Variants in EVX2 observed in about 807,000 individuals in gnomAD.
The protein encoded by EVX2 is even-skipped homeobox 2, also known as homeobox even-skipped homolog protein 2.
EVX2 carries 10 observed loss-of-function variants against 19.2 expected under a neutral mutation model. The ratio of observed to expected loss-of-function variants is 0.52; its 90% CI spans 0.32 to 0.89. The LOEUF (loss-of-function observed/expected upper bound fraction) is 0.89. Among genes scored for constraint, EVX2 ranks in the 40% least tolerant of loss-of-function variants. EVX2 has a pLI of 0.03. For missense variants in EVX2, 710 were observed against 694.9 expected, an observed-to-expected ratio of 1.02 and a Z score of -0.24; for synonymous variants, 354 against 328.4, an observed-to-expected ratio of 1.08 and a Z score of -0.84.
rs1482628631 is a variant in EVX2 at position 176,083,243 on chromosome 2, G to T, written c.427+107C>A. 1.7e-5 allele frequency: 20 copies of T among 1,176,814 alleles called. No homozygotes were observed. The highest frequency in any genetic ancestry group is 2.3e-5 in the Non-Finnish European group (19 of 841,600). The allele number at this position is 1,176,814 out of a possible 1,614,324, so 72.9% of individuals were successfully genotyped here. ...CGCCCGTGCTAGCTCGGTGTAGCTT[G>T]CCTGTGGAGGGTCTGAGAGGGGAAA... On this transcript the variant is annotated intron_variant, in intron 1 of 2. Coordinates refer to ENST00000308618, the MANE Select transcript of EVX2 (RefSeq NM_001080458.2). This position sits in a 1 kb window ranked among gnomAD's most constrained non-coding sequence, Gnocchi z 4.4.
In EVX2 at chr2:176,080,485, C is replaced by T; in HGVS notation, c.1053G>A (p.Ala351=). The T allele has an allele frequency of 7.5e-7, 1 of 1,336,184 alleles. No homozygotes were observed. Among genetic ancestry groups the T allele is most frequent in the Non-Finnish European group, 9.5e-7 (1 of 1,048,872 alleles). The allele number at this position is 1,336,184 out of a possible 1,614,324, so 82.8% of individuals were successfully genotyped here. Residue 351 remains alanine (A), a synonymous_variant, in exon 3 of 3, where the codon GCG becomes GCA. Coordinates refer to ENST00000308618, the MANE Select transcript of EVX2 (RefSeq NM_001080458.2). This position sits in a 1 kb window ranked among gnomAD's most constrained non-coding sequence, Gnocchi z 7.0. Reference sequence around the variant, plus strand: ...CGGCAGAGGCCGCGCTGTTGAGCCCCGCGGCGGCCGCGGGAGCCTGGTAGA... The same window carrying T: ...CGGCAGAGGCCGCGCTGTTGAGCCCTGCGGCGGCCGCGGGAGCCTGGTAGA... ...PGLYQAPAAA[A]GLNSAASAAA...
chr2:176,080,196 TCTCGGAACGCGGCGCCGCCGCG>T lies in EVX2; in HGVS notation c.1320_1341del (p.Ser440ArgfsTer17), dbSNP rs1164119888. Reference sequence around the variant, plus strand: ...GCGGCCGAGTAGGGCAGGAAGCCGCTCTCGGAACGCGGCGCCGCCGCGCTGCAGCCGAAGTCCGAGCCTCCCC... The same window carrying T: ...GCGGCCGAGTAGGGCAGGAAGCCGCTCTGCAGCCGAAGTCCGAGCCTCCCC... On this transcript the variant is annotated frameshift_variant, in exon 3 of 3. Coordinates refer to ENST00000308618, the MANE Select transcript of EVX2 (RefSeq NM_001080458.2). LOFTEE classifies it high-confidence loss of function. The surrounding 1 kb of genome is among the most constrained non-coding windows in gnomAD (Gnocchi z 7.0). The T allele has an allele frequency of 2.0e-6, 3 of 1,476,398 alleles. No homozygotes were observed. The highest frequency in any genetic ancestry group is 2.7e-6 in the Non-Finnish European group (3 of 1,113,926). 91.5% of individuals were successfully genotyped at this position (1,476,398 alleles called of 1,614,324 possible).
At position 176,082,144 on chromosome 2, in the gene EVX2, G is replaced by A; in HGVS notation, c.699+34C>T. On this transcript the variant is annotated intron_variant, in intron 2 of 2. Coordinates refer to ENST00000308618, the MANE Select transcript of EVX2 (RefSeq NM_001080458.2). This position sits in a 1 kb window ranked among gnomAD's most constrained non-coding sequence, Gnocchi z 5.2. The stretch of plus-strand genomic sequence containing the variant: ...AAACAATCAACCCAGATGCCCCCGG[G>A]GAGGCCAGAGCAGGCATGCACTGGA... The A allele has an allele frequency of 2.0e-6, 3 of 1,513,260 alleles. No individual in the cohort carries two copies. The highest frequency in any genetic ancestry group is 1.8e-6 in the Non-Finnish European group (2 of 1,132,356). The allele number at this position is 1,513,260 out of a possible 1,614,324, so 93.7% of individuals were successfully genotyped here. A position where few individuals can be genotyped will look rare whatever the true frequency, so the allele number is the denominator to read the frequency against.
chr2:176,080,651 G>A lies in EVX2; in HGVS notation c.887C>T (p.Ala296Val), dbSNP rs765774536. 1.9e-6 allele frequency: 3 copies of A among 1,569,134 alleles called. No homozygotes were observed. The highest frequency in any genetic ancestry group is 2.3e-5 in the South Asian group (2 of 88,076). Residue 296 changes from alanine (A) to valine (V), a missense_variant, in exon 3 of 3, where the codon GCG becomes GTG. Coordinates refer to ENST00000308618, the MANE Select transcript of EVX2 (RefSeq NM_001080458.2). The surrounding 1 kb of genome is among the most constrained non-coding windows in gnomAD (Gnocchi z 7.0). ...CGCGCCTGAGGCTGCAGCCGCGGCC[G>A]CCGCCGCCGTGACGCCCACGTGCGG... ...YYPHVGVTAA[A>V]AAAAASGAAA...
In EVX2 at chr2:176,080,266, G is replaced by A. The variant is rs1193649863; in HGVS notation, c.1272C>T (p.Gly424=). 3.1e-6 allele frequency: 4 copies of A among 1,311,154 alleles called. No individual in the cohort carries two copies. The highest frequency in any genetic ancestry group is 2.0e-5 in the South Asian group (1 of 49,694). The allele number at this position is 1,311,154 out of a possible 1,614,324, so 81.2% of individuals were successfully genotyped here. A position where few individuals can be genotyped will look rare whatever the true frequency, so the allele number is the denominator to read the frequency against. Residue 424 remains glycine (G), a synonymous_variant, in exon 3 of 3, where the codon GGC becomes GGT. Coordinates refer to ENST00000308618, the MANE Select transcript of EVX2 (RefSeq NM_001080458.2). The surrounding 1 kb of genome is among the most constrained non-coding windows in gnomAD (Gnocchi z 7.0). The part of the protein sequence containing the change: ...GGGGGGGGGG[G]GGGGAGAGGG... ...CCCCGGCCCCGGCGCCCCCGCCGCC[G>A]CCGCCACCACCACCACCGCCGCCGC...
rs910411360 is a variant in EVX2 at position 176,080,428 on chromosome 2, G to C, written c.1110C>G (p.Ala370=). ...GCGCGCCGGCCGCCGCCGCCGAGGA[G>C]GCCGCAGCCGCTGCGGCTGCCGCGG... is the stretch of plus-strand genomic sequence containing the variant. The part of the protein sequence containing the change: ...AAAAAAAAAA[A]SSAAAAGAPP... The change falls in exon 3 of 3, where the codon GCC becomes GCG. Residue 370 remains alanine (A), a synonymous_variant. Coordinates refer to ENST00000308618, the MANE Select transcript of EVX2 (RefSeq NM_001080458.2). The surrounding 1 kb of genome is among the most constrained non-coding windows in gnomAD (Gnocchi z 7.0). 7.9e-5 allele frequency: 87 copies of C among 1,106,476 alleles called. No homozygotes were observed. The highest frequency in any genetic ancestry group is 2.1e-4 in the Admixed American group (4 of 19,504). 68.5% of individuals were successfully genotyped at this position (1,106,476 alleles called of 1,614,324 possible). A position where few individuals can be genotyped will look rare whatever the true frequency, so the allele number is the denominator to read the frequency against.
In EVX2 at chr2:176,082,141, C is replaced by T. The variant is rs1306961566; in HGVS notation, c.699+37G>A. On this transcript the variant is annotated intron_variant, in intron 2 of 2. Coordinates refer to ENST00000308618, the MANE Select transcript of EVX2 (RefSeq NM_001080458.2). The surrounding 1 kb of genome is among the most constrained non-coding windows in gnomAD (Gnocchi z 5.2). ...AAGAAACAATCAACCCAGATGCCCC[C>T]GGGGAGGCCAGAGCAGGCATGCACT... 4.0e-6 allele frequency: 6 copies of T among 1,509,416 alleles called. No homozygotes were observed. In the Admixed American group the frequency reaches 1.2e-4, roughly 30 times the overall value. The allele number at this position is 1,509,416 out of a possible 1,614,324, so 93.5% of individuals were successfully genotyped here. A position where few individuals can be genotyped will look rare whatever the true frequency, so the allele number is the denominator to read the frequency against.
Position 176,080,410 on chromosome 2 carries a change from G to GGCC in EVX2, c.1125_1127dup (p.Ala376dup), listed in dbSNP as rs1416089640. 7 of 1,069,676 alleles carry GGCC rather than the reference G, an allele frequency of 6.5e-6. No individual in the cohort carries two copies. The highest frequency in any genetic ancestry group is 4.2e-5 in the South Asian group (1 of 24,028). 66.3% of individuals were successfully genotyped at this position (1,069,676 alleles called of 1,614,324 possible). On this transcript the variant is annotated inframe_insertion, in exon 3 of 3. Coordinates refer to ENST00000308618, the MANE Select transcript of EVX2 (RefSeq NM_001080458.2). The surrounding 1 kb of genome is among the most constrained non-coding windows in gnomAD (Gnocchi z 7.0). The stretch of plus-strand genomic sequence containing the variant: ...CAGAGCCGCCGCTGGGGGGCGCGCC[G>GGCC]GCCGCCGCCGCCGAGGAGGCCGCAG...
Position 176,083,634 on chromosome 2 carries a change from C to T in EVX2, c.143G>A (p.Arg48His). The T allele has an allele frequency of 6.2e-7, 1 of 1,614,170 alleles. No individual in the cohort carries two copies. The highest frequency in any genetic ancestry group is 1.7e-5 in the Admixed American group (1 of 60,032). The change falls in exon 1 of 3, where the codon CGC becomes CAC. Residue 48 changes from arginine (R) to histidine (H), a missense_variant. Physicochemically the swap from Arg to His is conservative, Grantham distance 29. Transcript: ENST00000308618. This position sits in a 1 kb window ranked among gnomAD's most constrained non-coding sequence, Gnocchi z 4.4. ...GGCAGACGGCAGGCGCGGGCTTAGG[C>T]GAGCCGGGTGCTGCGAATTTTCCAG... ...EALENSQHPA[R>H]LSPRLPSAPL... is the part of the protein sequence containing the mutation.
chr2:176,079,855 AAG>A lies in EVX2; in HGVS notation c.*250_*251del. ...GGAAAGTGGGTCCCGGGAGCCAGAAAAGAGAGAGAAGGGCAGACGGCTGGGTG... is the reference window on the plus strand; with the variant it reads ...GGAAAGTGGGTCCCGGGAGCCAGAAAAGAGAGAAGGGCAGACGGCTGGGTG... On this transcript the variant is annotated 3_prime_UTR_variant, in exon 3 of 3. Coordinates refer to ENST00000308618, the MANE Select transcript of EVX2 (RefSeq NM_001080458.2). The surrounding 1 kb of genome is among the most constrained non-coding windows in gnomAD (Gnocchi z 4.4). 2.8e-6 allele frequency: 1 copy of A among 359,196 alleles called. No homozygotes were observed. Among genetic ancestry groups the A allele is most frequent in the Non-Finnish European group, 5.0e-6 (1 of 201,840 alleles). The allele number at this position is 359,196 out of a possible 1,614,324, so 22.3% of individuals were successfully genotyped here. A position where few individuals can be genotyped will look rare whatever the true frequency, so the allele number is the denominator to read the frequency against.
Position 176,083,609 on chromosome 2 carries a change from G to A in EVX2, c.168C>T (p.Ala56=), listed in dbSNP as rs781061588. The A allele has an allele frequency of 1.9e-6, 3 of 1,614,216 alleles. No individual in the cohort carries two copies. The highest frequency in any genetic ancestry group is 2.5e-6 in the Non-Finnish European group (3 of 1,180,046). The change falls in exon 1 of 3, where the codon GCC becomes GCT. Residue 56 remains alanine (A), a synonymous_variant. Coordinates refer to ENST00000308618, the MANE Select transcript of EVX2 (RefSeq NM_001080458.2). The surrounding 1 kb of genome is among the most constrained non-coding windows in gnomAD (Gnocchi z 4.4). The stretch of plus-strand genomic sequence containing the variant: ...GTTCTCCCAGAGCGCTGTGCAGGGG[G>A]GCAGACGGCAGGCGCGGGCTTAGGC... ...PARLSPRLPS[A]PLHSALGELP...
In EVX2 at chr2:176,083,263, G is replaced by T; in HGVS notation, c.427+87C>A. On this transcript the variant is annotated intron_variant, in intron 1 of 2. Transcript: ENST00000308618. The surrounding 1 kb of genome is among the most constrained non-coding windows in gnomAD (Gnocchi z 4.4). ...AGCTTGCCTGTGGAGGGTCTGAGAGGGGAAAAGGCACCGGGAAAGGCTGGC... is the reference window on the plus strand; with the variant it reads ...AGCTTGCCTGTGGAGGGTCTGAGAGTGGAAAAGGCACCGGGAAAGGCTGGC... 7.2e-7 allele frequency: 1 copy of T among 1,393,194 alleles called. No homozygotes were observed. The highest frequency in any genetic ancestry group is 9.7e-7 in the Non-Finnish European group (1 of 1,026,992). The allele number at this position is 1,393,194 out of a possible 1,614,324, so 86.3% of individuals were successfully genotyped here. A position where few individuals can be genotyped will look rare whatever the true frequency, so the allele number is the denominator to read the frequency against.
rs927104875 is a variant in EVX2 at position 176,078,861 on chromosome 2, C to T, written c.*1246G>A. The T allele has an allele frequency of 6.6e-6, 1 of 152,192 alleles. No homozygotes were observed. The highest frequency in any genetic ancestry group is 1.5e-5 in the Non-Finnish European group (1 of 68,048). The allele number at this position is 152,192 out of a possible 1,614,324, so 9.4% of individuals were successfully genotyped here. A position where few individuals can be genotyped will look rare whatever the true frequency, so the allele number is the denominator to read the frequency against. On this transcript the variant is annotated 3_prime_UTR_variant, in exon 3 of 3. Transcript: ENST00000308618. ...TGCACATTATTAGCATCAAACTTGA[C>T]GTGGCAGTTAACACTAGTGGGTTTT...
Position 176,080,147 on chromosome 2 carries a change from C to T in EVX2, c.1391G>A (p.Ser464Asn). The change falls in exon 3 of 3, where the codon AGC becomes AAC. Residue 464 changes from serine to asparagine, a missense_variant. Ser to Asn is a conservative substitution (Grantham distance 46). Transcript: ENST00000308618. This position sits in a 1 kb window ranked among gnomAD's most constrained non-coding sequence, Gnocchi z 7.0. Reference sequence around the variant, plus strand: ...AGCCTCGTCCCTCTGGTCCGGCGGGCTCACGGCCGTCTTACTAAGCACCGC... The same window carrying T: ...AGCCTCGTCCCTCTGGTCCGGCGGGTTCACGGCCGTCTTACTAAGCACCGC... Reference protein sequence around the residue: ...SAAVLSKTAVSPPDQRDEAPL... With the variant: ...SAAVLSKTAVNPPDQRDEAPL... The T allele has an allele frequency of 4.5e-6, 7 of 1,547,420 alleles. No homozygotes were observed. Among genetic ancestry groups the T allele is most frequent in the Non-Finnish European group, 6.1e-6 (7 of 1,151,588 alleles).
In EVX2 at chr2:176,081,932, G is replaced by A. The variant is rs188781200; in HGVS notation, c.699+246C>T. Among the ~76,000 whole-genome samples the A allele has an allele frequency of 6.8e-4, 104 of 152,322 alleles. No homozygotes were observed. The East Asian group carries it at 0.017, about 25-fold the overall frequency. On this transcript the variant is annotated intron_variant, in intron 2 of 2. Transcript: ENST00000308618. The surrounding 1 kb of genome is among the most constrained non-coding windows in gnomAD (Gnocchi z 5.9). ...ATCTGGCCAGGCGTTGGGCACAATGGAGCAGGGGCGAGTGCTTTCAGCATT... is the reference window on the plus strand; with the variant it reads ...ATCTGGCCAGGCGTTGGGCACAATGAAGCAGGGGCGAGTGCTTTCAGCATT...
rs760862938 is a variant in EVX2, at chr2:176,080,063, A to ACACT, written c.*40_*43dup. On this transcript the variant is annotated 3_prime_UTR_variant, in exon 3 of 3. Coordinates refer to ENST00000308618, the MANE Select transcript of EVX2 (RefSeq NM_001080458.2). The surrounding 1 kb of genome is among the most constrained non-coding windows in gnomAD (Gnocchi z 7.0). ...GGGGGCGCACAGGGGACTCCCGGGC[A>ACACT]CACTCAGAGAGGCGGGCGCGGCCCC... 4.0e-6 allele frequency: 6 copies of ACACT among 1,504,148 alleles called. No homozygotes were observed. Among genetic ancestry groups the ACACT allele is most frequent in the Non-Finnish European group, 5.3e-6 (6 of 1,125,720 alleles). 93.2% of individuals were successfully genotyped at this position (1,504,148 alleles called of 1,614,324 possible). A position where few individuals can be genotyped will look rare whatever the true frequency, so the allele number is the denominator to read the frequency against.
At position 176,082,735 on chromosome 2, in the gene EVX2, G is replaced by C. The variant is rs1358362717; in HGVS notation, c.428-286C>G. On this transcript the variant is annotated intron_variant, in intron 1 of 2. Transcript: ENST00000308618. This position sits in a 1 kb window ranked among gnomAD's most constrained non-coding sequence, Gnocchi z 5.2. Reference sequence around the variant, plus strand: ...GGGAAAATGCCTACCTCTGGGCGCAGTTTGGGAAGCTCTGGGTTTCCCATG... The same window carrying C: ...GGGAAAATGCCTACCTCTGGGCGCACTTTGGGAAGCTCTGGGTTTCCCATG... Among the ~76,000 whole-genome samples, 1 of 152,258 alleles carries C rather than the reference G, an allele frequency of 6.6e-6. No individual in the cohort carries two copies. Among genetic ancestry groups the C allele is most frequent in the Non-Finnish European group, 1.5e-5 (1 of 68,050 alleles).
chr2:176,081,508 C>T lies in EVX2; in HGVS notation c.699+670G>A, dbSNP rs773370782. ...ACCAGAGGGAGACTTCCACACTCCT[C>T]CCCTACCCCGTGGAGATTTTTTCTT... On this transcript the variant is annotated intron_variant, in intron 2 of 2. Coordinates refer to ENST00000308618, the MANE Select transcript of EVX2 (RefSeq NM_001080458.2). This position sits in a 1 kb window ranked among gnomAD's most constrained non-coding sequence, Gnocchi z 5.9. Among the ~76,000 whole-genome samples the T allele has an allele frequency of 1.3e-5, 2 of 152,204 alleles. No homozygotes were observed. The highest frequency in any genetic ancestry group is 2.9e-5 in the Non-Finnish European group (2 of 68,036).
At position 176,080,885 on chromosome 2, in the gene EVX2, T is replaced by C; in HGVS notation, c.700-47A>G. 1.3e-6 allele frequency: 2 copies of C among 1,570,874 alleles called. No individual in the cohort carries two copies. The highest frequency in any genetic ancestry group is 1.7e-6 in the Non-Finnish European group (2 of 1,160,844). On this transcript the variant is annotated intron_variant, in intron 2 of 2. Coordinates refer to ENST00000308618, the MANE Select transcript of EVX2 (RefSeq NM_001080458.2). This position sits in a 1 kb window ranked among gnomAD's most constrained non-coding sequence, Gnocchi z 7.0. The stretch of plus-strand genomic sequence containing the variant: ...AGCCTGGGTTAGGGAGCGCCCCGTG[T>C]TCCCAGCTCCTGTCCCAGGACCTCT...
Sources: allele counts gnomAD v4.1 joint callset (sites outside exome capture counted in the v4.1 genomes callset), GRCh38; gene constraint gnomAD v4.1.1; non-coding constraint Gnocchi (gnomAD v3.1); transcripts MANE v1.5; gene names NCBI Gene and HGNC (gene_info 2026-07-23, HGNC 2026-07-21).